The following BOP1 variants were observed in gnomAD, a reference collection of about 807,000 sequenced individuals.
The protein encoded by BOP1 is BOP1 ribosomal biogenesis factor, also known as ribosome biogenesis protein BOP1.
A neutral mutation model predicts 82.9 loss-of-function variants in BOP1; 54 were observed. That is an observed-to-expected ratio of 0.65 (90% CI 0.52 to 0.82). The LOEUF (loss-of-function observed/expected upper bound fraction) is 0.82. Among genes scored for constraint, BOP1 ranks in the 40% least tolerant of loss-of-function variants. The pLI, the probability that BOP1 is intolerant of heterozygous loss-of-function variation, is 0.00. For synonymous variants in BOP1, 566 were observed against 451.1 expected, an observed-to-expected ratio of 1.25 and a Z score of -3.23; for missense variants, 1,170 against 1,072.0, an observed-to-expected ratio of 1.09 and a Z score of -1.28.
chr8:144,281,925 CAG>C (rs1845691669), intron 2 of BOP1: 1 of 152,072 alleles, frequency 6.6e-6, no homozygotes, highest in Non-Finnish European at 1.5e-5. Flanking sequence ...CTGATAAAAA[CAG>C]AAACTTCTGC....
chr8:144,267,041 G>C, intron 3 of BOP1: 1 of 1,509,342 alleles, frequency 6.6e-7, no homozygotes, highest in Non-Finnish European at 8.8e-7. Context: ...GGACAGCCCT[G>C]CCACTCCGGG....
intron 3 of BOP1, chr8:144,268,151 C>T (rs1040354892): frequency 5.8e-6 from 9 of 1,550,722 alleles, no homozygotes; most frequent in Non-Finnish European, 7.8e-6. Context: ...AGGAGGTGGC[C>T]GGCAGCAGCC....
At chr8:144,264,468 T>C in intron 6 of BOP1, 31 bp from the exon 7 acceptor site, 2 of 1,607,154 alleles carry the variant, frequency 1.2e-6, no homozygotes, top group Non-Finnish European at 1.7e-6. Context: ...GGACGGGCAG[T>C]GCGGGGCGGT....
intron 3 of BOP1, chr8:144,266,422 G>A (rs1320192824): frequency 1.7e-5 from 14 of 821,122 alleles, no homozygotes; most frequent in Non-Finnish European, 2.1e-5. Context: ...CCGGGACGCC[G>A]CTATAAAGGC....
chr8:144,264,575 C>A lies in BOP1; in HGVS notation c.705G>T (p.Pro235=). ...GCTTGTCGGCCGGGCGGTTGGTCAC[C>A]GGGTGGATCATGACGTCCCCGCTGA... ...DFFSGDVMIH[P]VTNRPADKRS... Residue 235 remains proline (P), a synonymous_variant, in exon 6 of 16, where the codon CCG becomes CCT. Transcript: ENST00000569669. 6.2e-7 allele frequency: 1 copy of A among 1,608,854 alleles called. No individual in the cohort carries two copies. The highest frequency in any genetic ancestry group is 2.2e-5 in the East Asian group (1 of 44,784).
At position 144,291,356 on chromosome 8, in the gene BOP1, CCG is replaced by C; in HGVS notation, c.13_14del (p.Arg5GlyfsTer18). MAGSRGAGRTAAPSV... is the reference protein window; with the variant it reads MAGSXGAGRTAAPSV... ...TCGGCGCCGCCGTGCGCCCCGCACC[CCG>C]CGAACCCGCCATGCCCCACCGCGCG... On this transcript the variant is annotated frameshift_variant, in exon 1 of 16. Transcript: ENST00000569669. LOFTEE classifies it high-confidence loss of function. The surrounding 1 kb of genome is among the most constrained non-coding windows in gnomAD (Gnocchi z 4.1). 1 of 1,353,454 alleles carries C rather than the reference CCG, an allele frequency of 7.4e-7. No homozygotes were observed. Among genetic ancestry groups the C allele is most frequent in the South Asian group, 1.6e-5 (1 of 62,506 alleles). The allele number at this position is 1,353,454 out of a possible 1,614,324, so 83.8% of individuals were successfully genotyped here.
chr8:144,276,448 G>C, intron 2 of BOP1, 144 bp from the exon 3 acceptor site: 1 of 946,324 alleles, frequency 1.1e-6, no homozygotes, highest in South Asian at 1.4e-5. Context: ...AGAACACCCA[G>C]CTCTAAGGGG....
intron 2 of BOP1, chr8:144,282,034 C>G (rs1201012481): frequency 6.6e-6 from 1 of 152,296 alleles, no homozygotes; most frequent in African/African-American, 2.4e-5. Flanking sequence ...AAGGAAAAAA[C>G]AGCTCTGAGC....
intron 3 of BOP1, among the ~76,000 whole-genome samples, chr8:144,270,879 C>T (rs1262186708): frequency 6.6e-6 from 1 of 152,174 alleles, no homozygotes. Flanking sequence ...AGCAGCCGCC[C>T]CTGCGAGCCG....
chr8:144,262,845 C>T lies in BOP1; in HGVS notation c.1894+8G>A, dbSNP rs1845255579. 1 of 1,308,444 alleles carries T rather than the reference C, an allele frequency of 7.6e-7. No individual in the cohort carries two copies. Among genetic ancestry groups the T allele is most frequent in the Non-Finnish European group, 1.0e-6 (1 of 1,004,466 alleles). 81.1% of individuals were successfully genotyped at this position (1,308,444 alleles called of 1,614,324 possible). On this transcript the variant is annotated splice_region_variant and intron_variant, in intron 13 of 15. Transcript: ENST00000569669. ...TCACCTGCAGGGTGCACCGCCCCCA[C>T]CCCTCACCTGCAGGGTGCACCGCCA...
intron 3 of BOP1, among the ~76,000 whole-genome samples, chr8:144,270,839 C>T (rs1394143668): frequency 2.0e-5 from 3 of 152,132 alleles, no homozygotes; most frequent in East Asian, 1.9e-4. Context: ...GCAGCTGGGA[C>T]GGAAGGGGCC....
chr8:144,271,679 C>CAG (rs747873818), intron 3 of BOP1, among the ~76,000 whole-genome samples: 10 of 151,938 alleles, frequency 6.6e-5, no homozygotes, highest in Admixed American at 2.0e-4. Flanking sequence ...GGCCCTGGCG[C>CAG]CGGGGCCAGA....
At chr8:144,276,491 G>A (rs1433572568) in intron 2 of BOP1, among the ~76,000 whole-genome samples, 187 bp from the exon 3 acceptor site, 16 of 152,142 alleles carry the variant, frequency 1.1e-4, no homozygotes, top group Non-Finnish European at 2.1e-4. Context: ...ACCCGGCGCC[G>A]CAGGTCCTGC....
chr8:144,287,754 C>G (rs1164994653), intron 2 of BOP1, among the ~76,000 whole-genome samples: 1 of 152,124 alleles, frequency 6.6e-6, no homozygotes, highest in Non-Finnish European at 1.5e-5. Flanking sequence ...ATCATTTTTT[C>G]TCTGTGTATG....
chr8:144,274,212 G>A (rs1484357807), intron 3 of BOP1, among the ~76,000 whole-genome samples: 1 of 152,148 alleles, frequency 6.6e-6, no homozygotes. Flanking sequence ...CGCCCTCCCT[G>A]CCCTGCTACC....
intron 2 of BOP1, chr8:144,282,079 TAAAG>T (rs1845694183): frequency 6.6e-6 from 1 of 152,222 alleles, no homozygotes; most frequent in Non-Finnish European, 1.5e-5. Context: ...ACACCAGCGA[TAAAG>T]AGAAGGCCCT....
In BOP1 at chr8:144,265,119, C is replaced by T. The variant is rs1278224659; in HGVS notation, c.391-48G>A. 18 of 1,582,484 alleles carry T rather than the reference C, an allele frequency of 1.1e-5. No homozygotes were observed. The East Asian group carries it at 3.6e-4, about 31-fold the overall frequency. On this transcript the variant is annotated intron_variant, in intron 3 of 15. Transcript: ENST00000569669. ...CGGCATCTGATCCTACAAGGCCCAC[C>T]CCCGCTTCGGGCCGCCCAGGGGAGC... is the stretch of plus-strand genomic sequence containing the variant.
At chr8:144,268,153 G>A in intron 3 of BOP1, 2 of 1,550,714 alleles carry the variant, frequency 1.3e-6, no homozygotes, top group Non-Finnish European at 1.7e-6. Context: ...GAGGTGGCCG[G>A]CAGCAGCCAG....
chr8:144,268,301 G>A (rs1039959260), intron 3 of BOP1: 1 of 1,067,646 alleles, frequency 9.4e-7, no homozygotes. Flanking sequence ...GGGACAGACG[G>A]ACGTACAGAC....
Sources: allele counts gnomAD v4.1 joint callset (sites outside exome capture counted in the v4.1 genomes callset), GRCh38; gene constraint gnomAD v4.1.1; non-coding constraint Gnocchi (gnomAD v3.1); transcripts MANE v1.5; gene names NCBI Gene and HGNC (gene_info 2026-07-23, HGNC 2026-07-21).